PHACTR1: variants seen among roughly 807,000 people sequenced by gnomAD.
The protein encoded by PHACTR1 is RPEL repeat containing 1.
Under a neutral mutation model 69.2 loss-of-function variants are expected in PHACTR1, and 16 were observed. The observed-to-expected ratio is 0.23, with a 90% CI of 0.16 to 0.35. The LOEUF is 0.35. Ranked by LOEUF, PHACTR1 falls within the 10% of genes least tolerant of loss-of-function variation. The pLI is 1.00. For missense variants in PHACTR1, 510 were observed against 734.7 expected (o/e 0.69, Z 3.54); for synonymous variants, 312 against 284.5 (o/e 1.10, Z -0.97).
At chr6:13,134,636 C>T (rs1821238286) in intron 5 of PHACTR1, among the ~76,000 whole-genome samples, 1 of 151,734 alleles carries the variant, frequency 6.6e-6, no homozygotes, top group Non-Finnish European at 1.5e-5. Flanking sequence ...TCTCAAGTAC[C>T]CAGGGGCACA....
intron 10 of PHACTR1, among the ~76,000 whole-genome samples, chr6:13,259,187 T>C (rs150047805): frequency 1.6e-3 from 240 of 152,364 alleles, no homozygotes; most frequent in African/African-American, 5.5e-3. Context: ...ACTACCTTAA[T>C]TTCTGTTATA....
At chr6:13,144,520 CT>C (rs1822994377) in intron 5 of PHACTR1, among the ~76,000 whole-genome samples, 1 of 152,078 alleles carries the variant, frequency 6.6e-6, no homozygotes. Context: ...GATGCCAGTC[CT>C]CCCTAAATTG....
chr6:13,003,757 T>C (rs192456070), intron 4 of PHACTR1, among the ~76,000 whole-genome samples: 80 of 151,544 alleles, frequency 5.3e-4, no homozygotes, highest in Admixed American at 3.5e-3. Context: ...CTTCTGAGTC[T>C]CTAGTGTCTA....
At chr6:13,039,280 C>T (rs1184482308) in intron 4 of PHACTR1, among the ~76,000 whole-genome samples, 1 of 152,166 alleles carries the variant, frequency 6.6e-6, no homozygotes, top group African/African-American at 2.4e-5. Context: ...CAGATAGTTG[C>T]TGTGAGGATG....
At chr6:12,846,798 CTTTTTA>C (rs769420244) in intron 4 of PHACTR1, among the ~76,000 whole-genome samples, 25 of 150,082 alleles carry the variant, frequency 1.7e-4, no homozygotes, top group African/African-American at 4.7e-4. Context: ...TAGCAACTTG[CTTTTTA>C]TTTTTATTTT....
intron 4 of PHACTR1, among the ~76,000 whole-genome samples, chr6:13,022,032 C>G (rs544166185): frequency 6.2e-4 from 94 of 152,308 alleles, no homozygotes; most frequent in African/African-American, 2.2e-3. Flanking sequence ...CTCCCACCTT[C>G]GGGCAATCAA....
intron 10 of PHACTR1, chr6:13,265,018 A>G (rs1295786191): frequency 1.1e-5 from 1 of 92,960 alleles, no homozygotes; most frequent in Non-Finnish European, 2.3e-5. Flanking sequence ...GTGAGGCCCC[A>G]TCTCTGAAAA....
rs9472614 is a variant in PHACTR1, at chr6:12,809,298, T to C, written c.250+59508T>C. ...TATTGTTGATATTTACATAGGTGCT[T>C]TTATTATGACATTGAAAAAATCAAT... is the stretch of plus-strand genomic sequence containing the variant. On this transcript the variant is annotated intron_variant, in intron 4 of 14. Coordinates refer to ENST00000332995, the MANE Select transcript of PHACTR1 (RefSeq NM_030948.6). Among the ~76,000 whole-genome samples the C allele has an allele frequency of 5.3e-3, 807 of 152,286 alleles. 9 individuals carry two copies. Among genetic ancestry groups the C allele is most frequent in the African/African-American group, 0.018 (755 of 41,548 alleles).
At chr6:13,142,701 C>G (rs1822681626) in intron 5 of PHACTR1, among the ~76,000 whole-genome samples, 1 of 152,076 alleles carries the variant, frequency 6.6e-6, no homozygotes, top group Admixed American at 6.6e-5. Flanking sequence ...TGTCAAAAAT[C>G]AATTGACCAT....
chr6:12,878,712 C>T (rs9357511), intron 4 of PHACTR1, among the ~76,000 whole-genome samples: 149,505 of 152,324 alleles, frequency 0.98, 73,438 homozygotes, highest in Middle Eastern at 1. Context: ...CTGACAAATA[C>T]TGAAAAGTGA....
chr6:13,157,543 G>GCC (rs1478068280), intron 5 of PHACTR1, among the ~76,000 whole-genome samples: 4 of 152,212 alleles, frequency 2.6e-5, no homozygotes, highest in African/African-American at 9.6e-5. Context: ...TGAGTGCTTA[G>GCC]CCTGAGAACA....
intron 4 of PHACTR1, among the ~76,000 whole-genome samples, chr6:13,020,673 T>C (rs1233305188): frequency 6.6e-6 from 1 of 152,190 alleles, no homozygotes; most frequent in Non-Finnish European, 1.5e-5. Context: ...GGGCATTGAA[T>C]GCTGCTCTTC....
chr6:13,137,859 G>A (rs903243963), intron 5 of PHACTR1, among the ~76,000 whole-genome samples: 1 of 152,206 alleles, frequency 6.6e-6, no homozygotes, highest in South Asian at 2.1e-4. Flanking sequence ...AATAGGAATG[G>A]TGCTATATCT....
chr6:13,231,078 AGG>A (rs1554167366), intron 10 of PHACTR1, among the ~76,000 whole-genome samples: 13 of 9,866 alleles, frequency 1.3e-3, no homozygotes, highest in Middle Eastern at 0.17. Flanking sequence ...GAAGGAAGGA[AGG>A]AAGGAAGAAG....
At chr6:13,262,085 T>C (rs1449390299) in intron 10 of PHACTR1, among the ~76,000 whole-genome samples, 1 of 152,168 alleles carries the variant, frequency 6.6e-6, no homozygotes, top group Non-Finnish European at 1.5e-5. Context: ...TCATTCTGTA[T>C]GGGCTGGAGG....
chr6:12,894,292 G>A (rs1442140803), intron 4 of PHACTR1, among the ~76,000 whole-genome samples: 3 of 152,122 alleles, frequency 2.0e-5, no homozygotes, highest in African/African-American at 4.8e-5. Flanking sequence ...CAGGCTTGTC[G>A]CTGCCAGAGG....
chr6:12,969,168 C>A (rs1349391047), intron 4 of PHACTR1, among the ~76,000 whole-genome samples: 1 of 152,156 alleles, frequency 6.6e-6, no homozygotes, highest in South Asian at 2.1e-4. Flanking sequence ...GTACCTCAAG[C>A]AATCCTAATG....
At chr6:12,890,950 A>T (rs1400495899) in intron 4 of PHACTR1, among the ~76,000 whole-genome samples, 1 of 152,184 alleles carries the variant, frequency 6.6e-6, no homozygotes, top group East Asian at 1.9e-4. Flanking sequence ...CATGTATCCC[A>T]GTTGCTGATA....
chr6:13,053,519 C>T lies in PHACTR1; in HGVS notation c.405C>T (p.His135=), dbSNP rs766849380. Residue 135 remains histidine, a synonymous_variant, in exon 5 of 15, where the codon CAC becomes CAT. Transcript: ENST00000332995. ...WRKKKSEKFK[H]TSAALERKIS... ...AGAAGAAAAGCGAAAAGTTCAAACA[C>T]ACGTCAGCAGGTAAGATGATTTGTT... 3 of 1,613,500 alleles carry T rather than the reference C, an allele frequency of 1.9e-6. No homozygotes were observed. The highest frequency in any genetic ancestry group is 2.2e-5 in the East Asian group (1 of 44,858).
Sources: gnomAD v4.1 joint callset for allele counts (sites outside exome capture counted in the v4.1 genomes callset) on GRCh38, gnomAD v4.1.1 for gene constraint, MANE v1.5 for transcripts, NCBI Gene and HGNC (gene_info 2026-07-23, HGNC 2026-07-21) for gene names.